The following MTFR2 variants were observed in gnomAD, a reference collection of about 807,000 sequenced individuals.
The protein encoded by MTFR2 is DUF729 domain-containing protein 1.
Under a neutral mutation model 41.2 loss-of-function variants are expected in MTFR2, and 44 were observed. That is an observed-to-expected ratio of 1.07 (90% CI 0.84 to 1.37). The LOEUF (loss-of-function observed/expected upper bound fraction) is 1.37. MTFR2 is among the 40% of genes most tolerant of loss of function. The probability of loss-of-function intolerance (pLI) is 0.00; values close to 1 mark genes in which losing one functional copy is unlikely to be tolerated. For synonymous variants in MTFR2, 141 were observed against 154.6 expected, an observed-to-expected ratio of 0.91 and a Z score of 0.65; for missense variants, 452 against 459.5, an observed-to-expected ratio of 0.98 and a Z score of 0.15.
At chr6:136,235,699 C>G (rs1779887300) in intron 6 of MTFR2, among the ~76,000 whole-genome samples, 1 of 152,108 alleles carries the variant, frequency 6.6e-6, no homozygotes, top group African/African-American at 2.4e-5. Context: ...TTTGGGAGGC[C>G]AAGGTGGTCG....
chr6:136,231,168 T>C lies in MTFR2; in HGVS notation c.*107A>G. The C allele has an allele frequency of 1.4e-6, 1 of 711,872 alleles. No individual in the cohort carries two copies. The highest frequency in any genetic ancestry group is 2.8e-5 in the Admixed American group (1 of 35,338). The allele number at this position is 711,872 out of a possible 1,614,324, so 44.1% of individuals were successfully genotyped here. ...TAGGCAAAATGTGTCAAGAAGAGTC[T>C]TTAAATACATCTACTTTTAGCCTTT... On this transcript the variant is annotated 3_prime_UTR_variant, in exon 8 of 8. Transcript: ENST00000420702.
In MTFR2 at chr6:136,239,821, C is replaced by T; in HGVS notation, c.515-1G>A. 1 of 1,594,482 alleles carries T rather than the reference C, an allele frequency of 6.3e-7. No individual in the cohort carries two copies. Among genetic ancestry groups the T allele is most frequent in the East Asian group, 2.2e-5 (1 of 44,566 alleles). ...CGCTCGTCACTCAAGCCAAAGGAAC[C>T]TACAAACAAAGTGGTTTATTACAAA... is the stretch of plus-strand genomic sequence containing the variant. On this transcript the variant is annotated splice_acceptor_variant, in intron 5 of 7. Transcript: ENST00000420702. LOFTEE classifies it high-confidence loss of function.
rs371740838 is a variant in MTFR2 at position 136,231,384 on chromosome 6, C to A, written c.1049G>T (p.Gly350Val). Residue 350 changes from glycine to valine, a missense_variant, in exon 8 of 8, where the codon GGA becomes GTA. Physicochemically the swap from Gly to Val is moderately radical, Grantham distance 109. Transcript: ENST00000420702. Reference protein sequence around the residue: ...PFSSPETSRFGHHISQSEGQR... With the variant: ...PFSSPETSRFVHHISQSEGQR... ...TCCTTCTGACTGTGAAATGTGATGT[C>A]CAAACTGAAATAAAGCAAATATTTA... 6.3e-6 allele frequency: 10 copies of A among 1,592,794 alleles called. No homozygotes were observed. Among genetic ancestry groups the A allele is most frequent in the Non-Finnish European group, 8.6e-6 (10 of 1,166,828 alleles).
rs775643124 is a variant in MTFR2, at chr6:136,233,222, C to T, written c.1044+103G>A. The stretch of plus-strand genomic sequence containing the variant: ...CAGCATCAATAAACAATTATATAGC[C>T]CATTCTGCACAATTACTTCAAGAGA... On this transcript the variant is annotated intron_variant, in intron 7 of 7. Transcript: ENST00000420702. The T allele has an allele frequency of 1.1e-5, 10 of 938,322 alleles. 1 individual carries two copies. In the South Asian group the frequency reaches 1.6e-4, roughly 15 times the overall value. 58.1% of individuals were successfully genotyped at this position (938,322 alleles called of 1,614,324 possible).
At chr6:136,242,035 G>A (rs948690771) in intron 4 of MTFR2, among the ~76,000 whole-genome samples, 17 of 138,660 alleles carry the variant, frequency 1.2e-4, no homozygotes, top group Non-Finnish European at 1.8e-4. Flanking sequence ...AGCCAAGATC[G>A]TGCCATTGCA....
At chr6:136,234,763 G>A (rs982107786) in intron 6 of MTFR2, among the ~76,000 whole-genome samples, 10 of 152,256 alleles carry the variant, frequency 6.6e-5, no homozygotes, top group African/African-American at 2.4e-4. Context: ...TGCTGCGGAA[G>A]TCTAAGCTAG....
At chr6:136,243,257 T>C (rs6908463) in intron 3 of MTFR2, among the ~76,000 whole-genome samples, 16,159 of 152,224 alleles carry the variant, frequency 0.11, 2,663 homozygotes, top group African/African-American at 0.35. Context: ...TCTGTGAATG[T>C]CATTACAGAC....
intron 7 of MTFR2, among the ~76,000 whole-genome samples, chr6:136,231,667 T>C (rs1422555976): frequency 1.3e-5 from 1 of 74,424 alleles, no homozygotes; most frequent in Non-Finnish European, 2.3e-5. Flanking sequence ...CTAAAAACTA[T>C]GTAAAAAAAA....
rs200860543 is a variant in MTFR2, at chr6:136,244,782, G to C, written c.151C>G (p.Arg51Gly). 1.2e-6 allele frequency: 2 copies of C among 1,611,394 alleles called. No homozygotes were observed. The highest frequency in any genetic ancestry group is 2.2e-5 in the South Asian group (2 of 90,692). ...TGACTTACCTCAAAATTAGGTCTTC[G>C]ACAAGGTTCCAGTGGAAGCATTTTC... Reference protein sequence around the residue: ...IGKMLPLEPCRRPNFELIPLL... With the variant: ...IGKMLPLEPCGRPNFELIPLL... Residue 51 changes from arginine (R) to glycine (G), a missense_variant, in exon 3 of 8, where the codon CGA (arginine) becomes GGA (glycine). Coordinates refer to ENST00000420702, the MANE Select transcript of MTFR2 (RefSeq NM_001099286.3).
intron 7 of MTFR2, among the ~76,000 whole-genome samples, chr6:136,231,669 T>TAAAAAAAAAAAAAAAAAAAAAAAA (rs71006791): frequency 1.2e-4 from 10 of 82,930 alleles, no homozygotes; most frequent in African/African-American, 4.2e-4. Flanking sequence ...AAAAACTATG[T>TAAAAAAAAAAAAAAAAAAAAAAAA]AAAAAAAAAA....
At chr6:136,246,255 C>G (rs980020407) in intron 2 of MTFR2, among the ~76,000 whole-genome samples, 1 of 151,988 alleles carries the variant, frequency 6.6e-6, no homozygotes, top group Non-Finnish European at 1.5e-5. Context: ...TGGCCATCTT[C>G]ACCATTTTCG....
chr6:136,232,155 GAT>G (rs1161011497), intron 7 of MTFR2, among the ~76,000 whole-genome samples: 1 of 152,128 alleles, frequency 6.6e-6, no homozygotes, highest in Admixed American at 6.5e-5. Flanking sequence ...CTAAACATCA[GAT>G]ATATACACAC....
intron 7 of MTFR2, among the ~76,000 whole-genome samples, chr6:136,232,398 A>G (rs1779786004): frequency 6.6e-6 from 1 of 152,134 alleles, no homozygotes; most frequent in African/African-American, 2.4e-5. Context: ...GGAATTAATT[A>G]CAGATGCGTG....
At chr6:136,241,731 G>GTTTATACCTCTTTT in intron 4 of MTFR2, 55 bp from the exon 5 acceptor site, 4 of 1,345,478 alleles carry the variant, frequency 3.0e-6, no homozygotes, top group South Asian at 1.3e-5. Flanking sequence ...AATCAAAAGA[G>GTTTATACCTCTTTT]GTATAAACTC....
chr6:136,231,464 G>C, intron 7 of MTFR2, 76 bp from the exon 8 acceptor site: 3 of 851,906 alleles, frequency 3.5e-6, no homozygotes, highest in Non-Finnish European at 5.6e-6. Context: ...ACAAAGGCCA[G>C]ATGACCCTCT....
intron 1 of MTFR2, among the ~76,000 whole-genome samples, chr6:136,249,731 C>G (rs143496945): frequency 6.6e-6 from 1 of 152,156 alleles, no homozygotes; most frequent in African/African-American, 2.4e-5. Flanking sequence ...AGCCCTCTTG[C>G]CTGCCACCAT....
In MTFR2 at chr6:136,244,811, A is replaced by T; in HGVS notation, c.122T>A (p.Ile41Asn). 2 of 1,612,946 alleles carry T rather than the reference A, an allele frequency of 1.2e-6. No homozygotes were observed. The highest frequency in any genetic ancestry group is 1.7e-6 in the Non-Finnish European group (2 of 1,179,688). The change falls in exon 3 of 8, where the codon ATT (isoleucine) becomes AAT (asparagine). Residue 41 changes from isoleucine to asparagine, a missense_variant. Transcript: ENST00000420702. ...AGGTTCCAGTGGAAGCATTTTCCCA[A>T]TAATACGAACAATACTCCTAGTTGA... ...YGSTRSIVRI[I>N]GKMLPLEPCR...
Position 136,240,814 on chromosome 6 carries a change from G to T in MTFR2, c.514+630C>A, listed in dbSNP as rs117995724. Among the ~76,000 whole-genome samples the T allele has an allele frequency of 4.2e-3, 635 of 151,958 alleles. 4 individuals are homozygous for T. Among genetic ancestry groups the T allele is most frequent in the African/African-American group, 0.014 (574 of 41,254 alleles). Reference sequence around the variant, plus strand: ...GAGTTAGAAAAGCTTACTGAGGGCCGGGCGCGGTGGCTCACGCCTGTAATC... The same window carrying T: ...GAGTTAGAAAAGCTTACTGAGGGCCTGGCGCGGTGGCTCACGCCTGTAATC... On this transcript the variant is annotated intron_variant, in intron 5 of 7. Transcript: ENST00000420702.
At chr6:136,231,704 A>T (rs1330342213) in intron 7 of MTFR2, among the ~76,000 whole-genome samples, 6 of 151,496 alleles carry the variant, frequency 4.0e-5, no homozygotes, top group African/African-American at 1.5e-4. Flanking sequence ...AAGATTATCT[A>T]AAATACTTGT....
Sources: allele counts gnomAD v4.1 joint callset (sites outside exome capture counted in the v4.1 genomes callset), GRCh38; gene constraint gnomAD v4.1.1; transcripts MANE v1.5; gene names NCBI Gene and HGNC (gene_info 2026-07-23, HGNC 2026-07-21).